The following TNKS variants were observed in gnomAD, a reference collection of about 807,000 sequenced individuals.
The protein encoded by TNKS is poly [ADP-ribose] polymerase tankyrase-1.
TNKS carries 72 observed loss-of-function variants against 135.8 expected under a neutral mutation model. The ratio of observed to expected loss-of-function variants is 0.53; its 90% CI spans 0.44 to 0.64. The LOEUF (loss-of-function observed/expected upper bound fraction) is 0.64, where lower values mean the gene tolerates loss of function less well. TNKS is among the 30% of genes least tolerant of loss of function. The pLI, the probability that TNKS is intolerant of heterozygous loss-of-function variation, is 0.00. For synonymous variants in TNKS, 849 were observed against 649.3 expected (o/e 1.31, Z -4.68); for missense variants, 1,769 against 1,674.0 (o/e 1.06, Z -0.99).
At chr8:9,682,219 C>G (rs574601392) in intron 5 of TNKS, among the ~76,000 whole-genome samples, 2 of 152,058 alleles carry the variant, frequency 1.3e-5, no homozygotes, top group East Asian at 3.9e-4. Flanking sequence ...GTTTTTTAGA[C>G]AGAGCTTGTT....
intron 2 of TNKS, among the ~76,000 whole-genome samples, chr8:9,612,982 C>T (rs1445147300): frequency 1.3e-5 from 2 of 152,122 alleles, no homozygotes; most frequent in Admixed American, 1.3e-4. Context: ...TAAAGATCTT[C>T]ATCCTCATCG....
chr8:9,596,296 G>A (rs1229707911), intron 2 of TNKS, among the ~76,000 whole-genome samples: 1 of 152,216 alleles, frequency 6.6e-6, no homozygotes, highest in Non-Finnish European at 1.5e-5. Context: ...TTAGAAGTAT[G>A]GCTTCCCTTT....
At chr8:9,730,403 A>G (rs1161605833) in intron 13 of TNKS, among the ~76,000 whole-genome samples, 2 of 152,312 alleles carry the variant, frequency 1.3e-5, no homozygotes, top group South Asian at 2.1e-4. Context: ...CAGTCAATCA[A>G]AAGACCCAGG....
Position 9,780,496 on chromosome 8 carries a change from A to G in TNKS, c.*3760A>G, listed in dbSNP as rs1341547714. On this transcript the variant is annotated 3_prime_UTR_variant, in exon 27 of 27. Transcript: ENST00000310430. ...TCAGATCAGTGACAGAAGTGAAAAG[A>G]AAGTAATTGTGAAAGTGATGTTTGA... The G allele has an allele frequency of 6.6e-6, 1 of 152,130 alleles. No homozygotes were observed. The highest frequency in any genetic ancestry group is 1.5e-5 in the Non-Finnish European group (1 of 68,026). The allele number at this position is 152,130 out of a possible 1,614,324, so 9.4% of individuals were successfully genotyped here.
In TNKS at chr8:9,641,058, A is replaced by T. The variant is rs1258034233; in HGVS notation, c.994+25381A>T. ...TTATTTCTAACACCCATTTAATAAG[A>T]TGCCCCACTGTTCTCCATGGTGTGT... On this transcript the variant is annotated intron_variant, in intron 3 of 26. Transcript: ENST00000310430. Among the ~76,000 whole-genome samples, 2 of 146,042 alleles carry T rather than the reference A, an allele frequency of 1.4e-5. 1 individual carries two copies. Among genetic ancestry groups the T allele is most frequent in the African/African-American group, 5.1e-5 (2 of 39,370 alleles).
Position 9,726,687 on chromosome 8 carries a change from G to A in TNKS, c.1968G>A (p.Glu656=). The change falls in exon 13 of 27, where the codon GAG becomes GAA. Residue 656 remains glutamate, a synonymous_variant. Transcript: ENST00000310430. ...CTGATGTTGATTATCGACTCTTAGA[G>A]GCATCTAAAGCTGGAGACTTGGAAA... The part of the protein sequence containing the change: ...RTSDVDYRLL[E]ASKAGDLETV... 1 of 1,613,512 alleles carries A rather than the reference G, an allele frequency of 6.2e-7. No individual in the cohort carries two copies.
chr8:9,627,372 A>C (rs1036116772), intron 3 of TNKS, among the ~76,000 whole-genome samples: 11 of 152,264 alleles, frequency 7.2e-5, no homozygotes, highest in Non-Finnish European at 4.4e-5. Context: ...ACCCCAATTT[A>C]TAGCTGGTCA....
chr8:9,606,102 A>G (rs1227980045), intron 2 of TNKS, among the ~76,000 whole-genome samples: 5 of 148,964 alleles, frequency 3.4e-5, no homozygotes, highest in African/African-American at 4.9e-5. Context: ...TCAAGTCTGT[A>G]GTCCAGTTTG....
chr8:9,636,431 A>G (rs1004294702), intron 3 of TNKS, among the ~76,000 whole-genome samples: 1 of 152,146 alleles, frequency 6.6e-6, no homozygotes, highest in Non-Finnish European at 1.5e-5. Flanking sequence ...TAAAGAGCTC[A>G]AGACTTTTTT....
intron 2 of TNKS, 78 bp downstream of exon 2, chr8:9,580,461 T>G: frequency 7.7e-7 from 1 of 1,299,938 alleles, no homozygotes; most frequent in Non-Finnish European, 1.1e-6. Context: ...TAGTGTTTCC[T>G]GAGAATAGGT....
At chr8:9,611,495 A>C (rs1031546859) in intron 2 of TNKS, among the ~76,000 whole-genome samples, 2 of 152,200 alleles carry the variant, frequency 1.3e-5, no homozygotes, top group African/African-American at 4.8e-5. Flanking sequence ...GTGTGCTATC[A>C]ATGCGTATTG....
At chr8:9,754,512 T>C (rs990027453) in intron 20 of TNKS, among the ~76,000 whole-genome samples, 9 of 152,182 alleles carry the variant, frequency 5.9e-5, no homozygotes, top group Non-Finnish European at 8.8e-5. Flanking sequence ...CTGCTTTCTC[T>C]CTTTTTTTTA....
intron 17 of TNKS, among the ~76,000 whole-genome samples, chr8:9,735,689 A>G (rs1805666874): frequency 6.6e-6 from 1 of 151,862 alleles, no homozygotes; most frequent in South Asian, 2.1e-4. Context: ...AGTCCCAGCT[A>G]CTCGGGAGGC....
chr8:9,574,206 A>G (rs1321126486), intron 1 of TNKS, among the ~76,000 whole-genome samples: 1 of 152,218 alleles, frequency 6.6e-6, no homozygotes, highest in African/African-American at 2.4e-5. Context: ...TGGGGAAAGA[A>G]TGTGCTGAAA....
At chr8:9,710,690 A>G (rs1804281999) in intron 11 of TNKS, among the ~76,000 whole-genome samples, 1 of 152,106 alleles carries the variant, frequency 6.6e-6, no homozygotes, top group Non-Finnish European at 1.5e-5. Context: ...AGGTCAGGAG[A>G]TGGAGACCAT....
rs928912091 is a variant in TNKS at position 9,779,761 on chromosome 8, C to T, written c.*3025C>T. The T allele has an allele frequency of 6.6e-6, 1 of 152,208 alleles. No homozygotes were observed. Among genetic ancestry groups the T allele is most frequent in the Non-Finnish European group, 1.5e-5 (1 of 68,042 alleles). 9.4% of individuals were successfully genotyped at this position (152,208 alleles called of 1,614,324 possible). On this transcript the variant is annotated 3_prime_UTR_variant, in exon 27 of 27. Transcript: ENST00000310430. ...GGCCTCATGCGCTTTGCTCAGAACA[C>T]TGCCGCTTTGTTAACAAATGACAGC...
At chr8:9,699,523 A>C (rs1267642296) in intron 5 of TNKS, among the ~76,000 whole-genome samples, 1 of 151,876 alleles carries the variant, frequency 6.6e-6, no homozygotes, top group African/African-American at 2.4e-5. Flanking sequence ...AATTTATTGC[A>C]TGCATTTTAT....
At chr8:9,599,797 A>G (rs1275691526) in intron 2 of TNKS, among the ~76,000 whole-genome samples, 1 of 152,192 alleles carries the variant, frequency 6.6e-6, no homozygotes, top group Non-Finnish European at 1.5e-5. Context: ...TTTTTAAAAA[A>G]AAAAAGTCTT....
In TNKS at chr8:9,630,592, G is replaced by A. The variant is rs528193745; in HGVS notation, c.994+14915G>A. 2.0e-5 allele frequency among the ~76,000 whole-genome samples: 3 copies of A among 152,150 alleles called. No homozygotes were observed. The East Asian group carries it at 5.8e-4, about 29-fold the overall frequency. On this transcript the variant is annotated intron_variant, in intron 3 of 26. Coordinates refer to ENST00000310430, the MANE Select transcript of TNKS (RefSeq NM_003747.3). ...GCAAATCCCCATCACATTAATGGGG[G>A]GAAAACACTTCTTATTTATAAATTC... is the stretch of plus-strand genomic sequence containing the variant.
Sources: gnomAD v4.1 joint callset for allele counts (sites outside exome capture counted in the v4.1 genomes callset) on GRCh38, gnomAD v4.1.1 for gene constraint, MANE v1.5 for transcripts, NCBI Gene and HGNC (gene_info 2026-07-23, HGNC 2026-07-21) for gene names.